MBD5: variants seen among roughly 807,000 people sequenced by gnomAD.
The protein encoded by MBD5 is methyl-CpG binding domain protein 5, also known as methyl-CpG-binding domain protein 5.
A neutral mutation model predicts 117.3 loss-of-function variants in MBD5; 13 were observed. The ratio of observed to expected loss-of-function variants is 0.11; its 90% CI spans 0.07 to 0.18. The LOEUF is 0.18. Among genes scored for constraint, MBD5 ranks in the 10% least tolerant of loss-of-function variants. The probability of loss-of-function intolerance (pLI) is 1.00; values close to 1 mark genes in which losing one functional copy is unlikely to be tolerated. For synonymous variants in MBD5, 727 were observed against 766.4 expected (o/e 0.95, Z 0.85); for missense variants, 1,879 against 2,093.8 (o/e 0.90, Z 2.00).
chr2:148,166,630 C>T (rs1015353612), intron 1 of MBD5, among the ~76,000 whole-genome samples: 1 of 152,122 alleles, frequency 6.6e-6, no homozygotes, highest in Non-Finnish European at 1.5e-5. Flanking sequence ...TGCGTTTTCT[C>T]TGCCTCTCAT....
chr2:148,387,928 A>T (rs1255505513), intron 4 of MBD5, among the ~76,000 whole-genome samples: 1 of 152,194 alleles, frequency 6.6e-6, no homozygotes, highest in Admixed American at 6.5e-5. Flanking sequence ...CTCCAAATTG[A>T]TTCATAAATT....
chr2:148,114,480 C>T (rs1696578758), intron 1 of MBD5, among the ~76,000 whole-genome samples: 1 of 151,952 alleles, frequency 6.6e-6, no homozygotes, highest in Non-Finnish European at 1.5e-5. Context: ...AAAAAAAAAC[C>T]AGAGTATTCC....
At chr2:148,216,066 T>C (rs1470881612) in intron 2 of MBD5, among the ~76,000 whole-genome samples, 2 of 152,144 alleles carry the variant, frequency 1.3e-5, no homozygotes, top group African/African-American at 4.8e-5. Flanking sequence ...GGCAAGCTTA[T>C]ACAAAAAGGG....
At position 148,067,151 on chromosome 2, in the gene MBD5, C is replaced by T. The variant is rs559038123; in HGVS notation, c.-925+45467C>T. Among the ~76,000 whole-genome samples, 54 of 152,242 alleles carry T rather than the reference C, an allele frequency of 3.5e-4. 1 individual carries two copies. The highest frequency in any genetic ancestry group is 1.3e-3 in the African/African-American group (53 of 41,532). On this transcript the variant is annotated intron_variant, in intron 1 of 13. Transcript: ENST00000642680. ...TTTGGTTATGTAGGTAATAGCTGTG[C>T]AAAATAGAATGCAAAAGTACAGTCT... is the stretch of plus-strand genomic sequence containing the variant.
intron 1 of MBD5, among the ~76,000 whole-genome samples, chr2:148,067,526 T>C (rs993332503): frequency 5.9e-5 from 9 of 152,312 alleles, no homozygotes; most frequent in East Asian, 3.9e-4. Flanking sequence ...ATTATTTAAA[T>C]AAAATAGTCT....
intron 1 of MBD5, among the ~76,000 whole-genome samples, chr2:148,048,347 A>G (rs1374652338): frequency 6.6e-6 from 1 of 152,118 alleles, no homozygotes; most frequent in Non-Finnish European, 1.5e-5. Context: ...TTAAATGCTT[A>G]CTACTTATTA....
chr2:148,275,640 G>T (rs544513603), intron 3 of MBD5, among the ~76,000 whole-genome samples: 29 of 152,218 alleles, frequency 1.9e-4, no homozygotes, highest in South Asian at 1.0e-3. Context: ...AAAGTCTACT[G>T]ATTTAGACTT....
At chr2:148,034,422 A>C (rs1341184861) in intron 1 of MBD5, among the ~76,000 whole-genome samples, 2 of 152,178 alleles carry the variant, frequency 1.3e-5, no homozygotes, top group African/African-American at 4.8e-5. Flanking sequence ...GAAAAAACCC[A>C]AAAGGCTGCT....
chr2:148,481,275 A>T lies in MBD5; in HGVS notation c.2519-1835A>T, dbSNP rs146446490. 4.1e-3 allele frequency among the ~76,000 whole-genome samples: 620 copies of T among 152,296 alleles called. 1 individual carries two copies. Among genetic ancestry groups the T allele is most frequent in the Non-Finnish European group, 6.4e-3 (434 of 67,992 alleles). The stretch of plus-strand genomic sequence containing the variant: ...TACACTACACAGTTAAAATATAAAT[A>T]CGAAGTCTATTTATCAGAAAGGAAA... On this transcript the variant is annotated intron_variant, in intron 8 of 13. Transcript: ENST00000642680.
intron 1 of MBD5, among the ~76,000 whole-genome samples, chr2:148,126,493 A>G (rs1696900751): frequency 6.6e-6 from 1 of 151,882 alleles, no homozygotes; most frequent in South Asian, 2.1e-4. Flanking sequence ...TAGTTATTAG[A>G]TGGCTACATA....
chr2:148,445,974 G>A (rs1340933774), intron 4 of MBD5, among the ~76,000 whole-genome samples: 2 of 150,952 alleles, frequency 1.3e-5, no homozygotes, highest in East Asian at 3.9e-4. Context: ...CCACGATGGG[G>A]TTGTTTGTTT....
chr2:148,243,928 CTT>C (rs1288660610), intron 3 of MBD5: 6 of 151,630 alleles, frequency 4.0e-5, no homozygotes, highest in Admixed American at 2.0e-4. Flanking sequence ...GGCTATGTGT[CTT>C]TTTTTATGTG....
intron 1 of MBD5, among the ~76,000 whole-genome samples, chr2:148,175,758 ACTTT>A (rs1387974598): frequency 1.3e-5 from 2 of 152,300 alleles, no homozygotes; most frequent in Middle Eastern, 3.4e-3. Context: ...TATGTTCCTC[ACTTT>A]CTTTATCTGT....
intron 1 of MBD5, among the ~76,000 whole-genome samples, chr2:148,092,189 A>G (rs1343387960): frequency 6.6e-6 from 1 of 152,204 alleles, no homozygotes; most frequent in African/African-American, 2.4e-5. Flanking sequence ...TGTGGTGAAA[A>G]GGAAACACTT....
chr2:148,302,577 A>G (rs184353977), intron 3 of MBD5, among the ~76,000 whole-genome samples: 60 of 152,276 alleles, frequency 3.9e-4, no homozygotes, highest in African/African-American at 1.3e-3. Flanking sequence ...TGGGACTTAG[A>G]TTGGATTATT....
chr2:148,286,042 T>C (rs1021449089), intron 3 of MBD5, among the ~76,000 whole-genome samples: 1 of 152,138 alleles, frequency 6.6e-6, no homozygotes, highest in African/African-American at 2.4e-5. Context: ...TTTTCAGGTA[T>C]CCATATAGTA....
intron 11 of MBD5, among the ~76,000 whole-genome samples, chr2:148,491,869 A>C (rs989975074): frequency 6.6e-6 from 1 of 152,028 alleles, no homozygotes; most frequent in Non-Finnish European, 1.5e-5. Flanking sequence ...ATATAAATGG[A>C]ACTGCTACAA....
At chr2:148,502,575 G>A in intron 12 of MBD5, 66 bp downstream of exon 12, 10 of 1,465,302 alleles carry the variant, frequency 6.8e-6, no homozygotes, top group Non-Finnish European at 9.5e-6. Context: ...TCCATCAAAG[G>A]GACAATGAAA....
At chr2:148,228,075 C>G (rs1347430523) in intron 2 of MBD5, among the ~76,000 whole-genome samples, 1 of 152,162 alleles carries the variant, frequency 6.6e-6, no homozygotes, top group African/African-American at 2.4e-5. Flanking sequence ...ATTTGACTTC[C>G]TCTTTTCCTA....
Sources: allele counts gnomAD v4.1 joint callset (sites outside exome capture counted in the v4.1 genomes callset), GRCh38; gene constraint gnomAD v4.1.1; transcripts MANE v1.5; gene names NCBI Gene and HGNC (gene_info 2026-07-23, HGNC 2026-07-21).